The following SUMF1 variants were observed in gnomAD, a reference collection of about 807,000 sequenced individuals.
The protein encoded by SUMF1 is formylglycine-generating enzyme.
In SUMF1, 48 loss-of-function variants were observed where a neutral mutation model predicts 47.6. The observed-to-expected ratio is 1.01, with a 90% confidence interval of 0.80 to 1.28. The LOEUF (loss-of-function observed/expected upper bound fraction) is 1.28, where lower values mean the gene tolerates loss of function less well. SUMF1 is among the 50% of genes most tolerant of loss of function. The probability of loss-of-function intolerance (pLI) is 0.00; values close to 1 mark genes in which losing one functional copy is unlikely to be tolerated. For synonymous variants in SUMF1, 230 were observed against 192.1 expected (o/e 1.20, Z -1.63); for missense variants, 571 against 485.4 (o/e 1.18, Z -1.66).
intron 8 of SUMF1, among the ~76,000 whole-genome samples, chr3:4,339,743 C>T (rs924918385): frequency 1.3e-5 from 2 of 152,134 alleles, no homozygotes; most frequent in Admixed American, 1.3e-4. Flanking sequence ...CAAATATTCC[C>T]ACATTTTTGC....
intron 8 of SUMF1, among the ~76,000 whole-genome samples, chr3:4,263,027 T>C (rs1331233640): frequency 1.3e-5 from 2 of 152,184 alleles, no homozygotes; most frequent in Non-Finnish European, 1.5e-5. Context: ...AAACTTTCTG[T>C]AATGTTATTA....
At chr3:4,181,353 T>C (rs1695091871) in intron 8 of SUMF1, among the ~76,000 whole-genome samples, 1 of 152,130 alleles carries the variant, frequency 6.6e-6, no homozygotes, top group Non-Finnish European at 1.5e-5. Context: ...GAAGCTTAAA[T>C]CACTGGCCAC....
At chr3:4,249,084 C>G (rs1194069424) in intron 8 of SUMF1, among the ~76,000 whole-genome samples, 2 of 152,196 alleles carry the variant, frequency 1.3e-5, no homozygotes, top group South Asian at 2.1e-4. Context: ...ATGGGGTCAC[C>G]TGCTCCTAAC....
chr3:4,180,245 G>C (rs911021139), intron 8 of SUMF1, among the ~76,000 whole-genome samples: 4 of 152,092 alleles, frequency 2.6e-5, no homozygotes, highest in Admixed American at 1.3e-4. Context: ...ATATGCACAC[G>C]TATGTTTATT....
At chr3:4,346,078 G>A (rs1173804543) in intron 8 of SUMF1, among the ~76,000 whole-genome samples, 1 of 152,040 alleles carries the variant, frequency 6.6e-6, no homozygotes, top group African/African-American at 2.4e-5. Context: ...CAATAATAGT[G>A]GGAGACTTCA....
intron 8 of SUMF1, among the ~76,000 whole-genome samples, chr3:4,114,677 G>C (rs1478053053): frequency 6.6e-6 from 1 of 152,070 alleles, no homozygotes; most frequent in East Asian, 1.9e-4. Flanking sequence ...GGCTAAACTG[G>C]AGGTGATGGG....
At chr3:4,144,849 C>A (rs1281246009) in intron 8 of SUMF1, among the ~76,000 whole-genome samples, 1 of 152,088 alleles carries the variant, frequency 6.6e-6, no homozygotes, top group Non-Finnish European at 1.5e-5. Context: ...TAATTAAAAT[C>A]CAAATTCCTA....
At chr3:4,403,565 G>A (rs1021967651) in intron 7 of SUMF1, among the ~76,000 whole-genome samples, 6 of 152,124 alleles carry the variant, frequency 3.9e-5, no homozygotes, top group African/African-American at 1.4e-4. Flanking sequence ...GGGGAGACGC[G>A]ACAACTGTTC....
chr3:4,451,760 T>C (rs1386215259), intron 2 of SUMF1, among the ~76,000 whole-genome samples: 2 of 152,236 alleles, frequency 1.3e-5, no homozygotes, highest in African/African-American at 4.8e-5. Context: ...CTCGGCTCAC[T>C]GCAAGCTCCG....
intron 3 of SUMF1, among the ~76,000 whole-genome samples, chr3:4,430,640 C>A (rs554202121): frequency 5.8e-4 from 89 of 152,234 alleles, no homozygotes; most frequent in African/African-American, 2.0e-3. Flanking sequence ...TATGCCACTC[C>A]TGTGCTAGCC....
chr3:4,404,385 G>A (rs7633263), intron 7 of SUMF1, among the ~76,000 whole-genome samples: 4,320 of 152,118 alleles, frequency 0.028, 101 homozygotes, highest in African/African-American at 0.062. Context: ...TATCACTTTC[G>A]TGCTTTTTTT....
chr3:4,319,686 C>T (rs1559223750), intron 8 of SUMF1, among the ~76,000 whole-genome samples: 1 of 152,164 alleles, frequency 6.6e-6, no homozygotes, highest in Non-Finnish European at 1.5e-5. Context: ...GATTTGAAAA[C>T]TTGTCCACAT....
At chr3:4,119,346 G>T (rs58692911) in intron 8 of SUMF1, among the ~76,000 whole-genome samples, 12,089 of 152,084 alleles carry the variant, frequency 0.079, 1,232 homozygotes, top group African/African-American at 0.21. Flanking sequence ...TCATTATCAG[G>T]ATAATTTTCT....
At chr3:4,320,601 T>A (rs1698808477) in intron 8 of SUMF1, among the ~76,000 whole-genome samples, 1 of 152,150 alleles carries the variant, frequency 6.6e-6, no homozygotes, top group South Asian at 2.1e-4. Flanking sequence ...AGGAACTGCA[T>A]GGTGAACAAA....
intron 9 of SUMF1, among the ~76,000 whole-genome samples, chr3:4,046,347 G>C (rs1695007875): frequency 6.6e-6 from 1 of 152,162 alleles, no homozygotes; most frequent in African/African-American, 2.4e-5. Flanking sequence ...TTCTCTTTGA[G>C]GTCACACACC....
intron 1 of SUMF1, among the ~76,000 whole-genome samples, chr3:4,459,211 T>C (rs1017696158): frequency 3.3e-5 from 5 of 152,222 alleles, no homozygotes; most frequent in African/African-American, 1.2e-4. Flanking sequence ...ACACAAAAAA[T>C]ATAAGTATGT....
intron 8 of SUMF1, among the ~76,000 whole-genome samples, chr3:4,250,378 T>C (rs186538123): frequency 3.6e-4 from 55 of 151,982 alleles, no homozygotes; most frequent in Non-Finnish European, 2.6e-4. Context: ...CTAGCAGACG[T>C]TGGCTCATGA....
chr3:4,370,624 G>A (rs1274010461), intron 8 of SUMF1, among the ~76,000 whole-genome samples: 2 of 152,110 alleles, frequency 1.3e-5, no homozygotes, highest in African/African-American at 4.8e-5. Flanking sequence ...ACAGGATAGT[G>A]AAAAGACATA....
intron 7 of SUMF1, among the ~76,000 whole-genome samples, chr3:4,398,524 G>A (rs913442556): frequency 1.3e-5 from 2 of 152,176 alleles, no homozygotes; most frequent in African/African-American, 4.8e-5. Context: ...ACTATGACAT[G>A]GGGAAGTCAC....
Sources: gnomAD v4.1 joint callset for allele counts (sites outside exome capture counted in the v4.1 genomes callset) on GRCh38, gnomAD v4.1.1 for gene constraint, MANE v1.5 for transcripts, NCBI Gene and HGNC (gene_info 2026-07-23, HGNC 2026-07-21) for gene names.